The following STOX2 variants were observed in gnomAD, a reference collection of about 807,000 sequenced individuals.
STOX2 encodes the protein storkhead-box protein 2.
A neutral mutation model predicts 60.9 loss-of-function variants in STOX2; 28 were observed. The ratio of observed to expected loss-of-function variants is 0.46; its 90% CI spans 0.34 to 0.63. The LOEUF is 0.63. Ranked by LOEUF, STOX2 falls within the 30% of genes least tolerant of loss-of-function variation. The pLI is 0.01. For missense variants in STOX2, 1,024 were observed against 1,187.7 expected (o/e 0.86, Z 2.03); for synonymous variants, 472 against 463.9 (o/e 1.02, Z -0.22).
intron 1 of STOX2, among the ~76,000 whole-genome samples, chr4:183,924,661 C>T (rs1742191025): frequency 6.6e-6 from 1 of 152,066 alleles, no homozygotes; most frequent in Admixed American, 6.6e-5. Context: ...AGAGGGAGAT[C>T]GCCCTGGCTC....
upstream of STOX2, among the ~76,000 whole-genome samples, chr4:183,903,646 G>C (rs1741512487): frequency 6.6e-6 from 1 of 152,202 alleles, no homozygotes; most frequent in African/African-American, 2.4e-5. Flanking sequence ...TTAAGTCATA[G>C]CTATTATAAT....
intron 1 of STOX2, among the ~76,000 whole-genome samples, chr4:183,816,794 C>A (rs1353270880): frequency 2.6e-5 from 4 of 152,148 alleles, no homozygotes; most frequent in African/African-American, 4.8e-5. Flanking sequence ...ATTAAATAAT[C>A]CTGTAACTTG....
intron 1 of STOX2, among the ~76,000 whole-genome samples, chr4:183,949,625 G>A (rs1254703775): frequency 1.3e-5 from 2 of 152,190 alleles, no homozygotes; most frequent in Non-Finnish European, 2.9e-5. Flanking sequence ...TTGAACCCGG[G>A]AGATGTAGGT....
chr4:183,812,254 A>G (rs761545334), intron 1 of STOX2, among the ~76,000 whole-genome samples: 16 of 152,156 alleles, frequency 1.1e-4, no homozygotes, highest in Non-Finnish European at 2.1e-4. Context: ...CTTAAAGTCC[A>G]GCAGTTTGTA....
intron 1 of STOX2, among the ~76,000 whole-genome samples, chr4:183,957,185 A>ATAATAG (rs1553981780): frequency 6.7e-6 from 1 of 149,650 alleles, no homozygotes; most frequent in African/African-American, 2.5e-5. Flanking sequence ...AATAATAATA[A>ATAATAG]AAGAAAAAAC....
chr4:183,924,469 G>T (rs533610674), intron 1 of STOX2, among the ~76,000 whole-genome samples: 1 of 152,226 alleles, frequency 6.6e-6, no homozygotes, highest in South Asian at 2.1e-4. Context: ...GAGACAGGAG[G>T]AGTCCCCCAG....
chr4:184,014,950 T>C (rs1009148631), intron 3 of STOX2: 3 of 152,194 alleles, frequency 2.0e-5, no homozygotes, highest in Non-Finnish European at 2.9e-5. Flanking sequence ...CTTTGGACCT[T>C]AAAATGTATT....
chr4:184,003,918 C>A (rs1733700912), intron 2 of STOX2, among the ~76,000 whole-genome samples: 1 of 149,198 alleles, frequency 6.7e-6, no homozygotes, highest in Non-Finnish European at 1.5e-5. Flanking sequence ...TCTTAGCTAC[C>A]TTTCTCCTTT....
chr4:183,949,475 G>A (rs879698704), intron 1 of STOX2, among the ~76,000 whole-genome samples: 10 of 152,068 alleles, frequency 6.6e-5, no homozygotes, highest in East Asian at 1.9e-4. Context: ...CGAGGTGGGC[G>A]GATTACAAGG....
chr4:183,873,802 A>G (rs1035534516), intron 1 of STOX2, among the ~76,000 whole-genome samples: 6 of 152,230 alleles, frequency 3.9e-5, no homozygotes, highest in Non-Finnish European at 1.5e-5. Flanking sequence ...GCTCCACAGT[A>G]AGGCAGGGCT....
rs553603647 is a variant in STOX2, at chr4:184,019,409, T to G, written c.*2125T>G. On this transcript the variant is annotated 3_prime_UTR_variant, in exon 4 of 4. Coordinates refer to ENST00000308497, the MANE Select transcript of STOX2 (RefSeq NM_020225.3). ...ACTAAATATTTGTCTAAATTCATTT[T>G]TTCCAAAAACCTGCTCTCAAATTTT... 83 of 152,360 alleles carry G rather than the reference T, an allele frequency of 5.4e-4. No individual in the cohort carries two copies. Among genetic ancestry groups the G allele is most frequent in the African/African-American group, 1.8e-3 (75 of 41,582 alleles). 9.4% of individuals were successfully genotyped at this position (152,360 alleles called of 1,614,324 possible). A position where few individuals can be genotyped will look rare whatever the true frequency, so the allele number is the denominator to read the frequency against.
intron 1 of STOX2, among the ~76,000 whole-genome samples, chr4:183,886,350 G>T (rs537978075): frequency 2.9e-4 from 13 of 44,162 alleles, no homozygotes; most frequent in South Asian, 1.7e-3. Flanking sequence ...CAACAGAAAG[G>T]GGGGGGAATG....
intron 1 of STOX2, among the ~76,000 whole-genome samples, chr4:183,944,939 T>G (rs1742844923): frequency 6.6e-6 from 1 of 152,212 alleles, no homozygotes; most frequent in South Asian, 2.1e-4. Flanking sequence ...GCTTACAGAA[T>G]GATACACAAT....
intron 1 of STOX2, among the ~76,000 whole-genome samples, chr4:183,838,607 A>T (rs1375303914): frequency 6.6e-6 from 1 of 152,212 alleles, no homozygotes; most frequent in Non-Finnish European, 1.5e-5. Context: ...TTACTTTGTG[A>T]GAGTTTTGCC....
intron 1 of STOX2, among the ~76,000 whole-genome samples, chr4:183,807,876 G>C (rs951933794): frequency 6.6e-6 from 1 of 152,238 alleles, no homozygotes; most frequent in African/African-American, 2.4e-5. Context: ...CTGTCCGTGA[G>C]GCTGCAGCGG....
intron 1 of STOX2, among the ~76,000 whole-genome samples, chr4:183,951,318 G>A (rs1743083329): frequency 6.6e-6 from 1 of 152,126 alleles, no homozygotes. Flanking sequence ...CTGCAGTGTG[G>A]AGAAAGGATT....
intron 1 of STOX2, among the ~76,000 whole-genome samples, chr4:183,939,699 T>C (rs1742697897): frequency 6.6e-6 from 1 of 151,992 alleles, no homozygotes; most frequent in Admixed American, 6.6e-5. Flanking sequence ...AGTGACACCT[T>C]TGGGTTGGAC....
chr4:184,004,125 T>C (rs1311552808), intron 2 of STOX2, among the ~76,000 whole-genome samples: 1 of 152,162 alleles, frequency 6.6e-6, no homozygotes, highest in Non-Finnish European at 1.5e-5. Flanking sequence ...GAATAAAGTA[T>C]TTAGTTCTTT....
chr4:183,985,680 T>A (rs947345176), intron 1 of STOX2, among the ~76,000 whole-genome samples: 2 of 152,204 alleles, frequency 1.3e-5, no homozygotes, highest in African/African-American at 4.8e-5. Context: ...TTTCTCCACA[T>A]ATTTAACCTT....
Sources: gnomAD v4.1 joint callset for allele counts (sites outside exome capture counted in the v4.1 genomes callset) on GRCh38, gnomAD v4.1.1 for gene constraint, MANE v1.5 for transcripts, NCBI Gene and HGNC (gene_info 2026-07-23, HGNC 2026-07-21) for gene names.